The following TBL1X variants were observed in gnomAD, a reference collection of about 807,000 sequenced individuals.
TBL1X encodes the protein F-box-like/WD repeat-containing protein TBL1X.
TBL1X carries 10 observed loss-of-function variants against 50.7 expected under a neutral mutation model. That is an observed-to-expected ratio of 0.20 (90% CI 0.12 to 0.33). TBL1X has a LOEUF of 0.33. Ranked by LOEUF, TBL1X falls within the 10% of genes least tolerant of loss-of-function variation. The pLI is 1.00. For synonymous variants in TBL1X, 190 were observed against 214.7 expected, an observed-to-expected ratio of 0.88 and a Z score of 1.01; for missense variants, 340 against 504.4, an observed-to-expected ratio of 0.67 and a Z score of 3.12.
intron 2 of TBL1X, among the ~76,000 whole-genome samples, chrX:9,560,711 CGCAGTGTTCAT>C (rs2082320943): frequency 8.9e-6 from 1 of 111,762 alleles, no homozygotes; most frequent in South Asian, 3.7e-4. Flanking sequence ...AGACAGATTC[CGCAGTGTTCAT>C]GCAGTGTTCA....
intron 3 of TBL1X, among the ~76,000 whole-genome samples, chrX:9,646,509 CAG>C (rs1195634475): frequency 8.9e-6 from 1 of 112,240 alleles, no homozygotes; most frequent in Non-Finnish European, 1.9e-5. Context: ...TCCAAATGGG[CAG>C]AGTTTGCTCG....
At chrX:9,582,408 A>G (rs563082300) in intron 2 of TBL1X, among the ~76,000 whole-genome samples, 67 of 112,536 alleles carry the variant, frequency 6.0e-4, no homozygotes, top group African/African-American at 2.0e-3. Flanking sequence ...TTACAGTTCT[A>G]TTCACGTGCT....
chrX:9,574,459 GAAAAAAAAAAA>G (rs376384853), intron 2 of TBL1X, among the ~76,000 whole-genome samples: 7 of 30,133 alleles, frequency 2.3e-4, no homozygotes, highest in Admixed American at 9.6e-4. Flanking sequence ...TGTCTCAAAT[GAAAAAAAAAAA>G]AAAAAAAAAA....
intron 2 of TBL1X, among the ~76,000 whole-genome samples, chrX:9,551,111 C>A: frequency 9.0e-6 from 1 of 111,539 alleles, no homozygotes; most frequent in Middle Eastern, 4.6e-3. Flanking sequence ...CGTGTACATA[C>A]ACATGTAGAT....
At chrX:9,673,456 T>C (rs2082972096) in intron 5 of TBL1X, among the ~76,000 whole-genome samples, 1 of 111,564 alleles carries the variant, frequency 9.0e-6, no homozygotes, top group African/African-American at 3.3e-5. Flanking sequence ...TAGAAACAGC[T>C]CCATCCTCAT....
At chrX:9,470,359 G>A (rs985558947) in intron 1 of TBL1X, among the ~76,000 whole-genome samples, 5 of 112,720 alleles carry the variant, frequency 4.4e-5, no homozygotes, top group African/African-American at 1.6e-4. Flanking sequence ...AAGTTCAAGC[G>A]ATTCTCCTCC....
At chrX:9,709,558 C>T (rs1382024138) in intron 14 of TBL1X, 75 bp from the exon 15 acceptor site, 11 of 1,179,348 alleles carry the variant, frequency 9.3e-6, no homozygotes, top group Non-Finnish European at 1.1e-5. Flanking sequence ...TGTGCACCCC[C>T]GGGAGGAATG....
chrX:9,662,478 G>A (rs1280589819), intron 5 of TBL1X, among the ~76,000 whole-genome samples: 1 of 112,303 alleles, frequency 8.9e-6, no homozygotes, highest in Non-Finnish European at 1.9e-5. Context: ...GGCAAATACT[G>A]TAGGATTCCA....
intron 6 of TBL1X, among the ~76,000 whole-genome samples, chrX:9,686,221 T>C (rs1010748704): frequency 1.5e-4 from 17 of 111,623 alleles, no homozygotes; most frequent in African/African-American, 5.5e-4. Flanking sequence ...AGAGGACATG[T>C]CTCCAAGGTC....
At chrX:9,622,594 T>C (rs1033010775) in intron 2 of TBL1X, among the ~76,000 whole-genome samples, 2 of 111,913 alleles carry the variant, frequency 1.8e-5, no homozygotes, top group Non-Finnish European at 1.9e-5. Flanking sequence ...TAGCTAGGAT[T>C]ACAGGTGCGC....
intron 2 of TBL1X, among the ~76,000 whole-genome samples, chrX:9,616,204 C>G (rs1245829524): frequency 9.0e-6 from 1 of 111,438 alleles, no homozygotes. Context: ...TACCCCCCAC[C>G]CACCAGAAAA....
rs1555958572 is a variant in TBL1X at position 9,491,339 on chromosome X, T to TTTG, written c.-200-10439_-200-10438insGTT. 7.3e-3 allele frequency among the ~76,000 whole-genome samples: 141 copies of TTTG among 19,210 alleles called. 2 individuals are homozygous for TTTG. The highest frequency in any genetic ancestry group is 0.032 in the African/African-American group (134 of 4,158). 16.7% of individuals were successfully genotyped at this position (19,210 alleles called of 115,157 possible). Reference sequence around the variant, plus strand: ...ATATATATATATATATATATATATATTTTTTTTTTTTTTTTCTTTGAGACA... The same window carrying TTTG: ...ATATATATATATATATATATATATATTTGTTTTTTTTTTTTTTTCTTTGAGACA... On this transcript the variant is annotated intron_variant, in intron 1 of 17. Transcript: ENST00000645353.
chrX:9,532,377 A>G (rs938475121), intron 2 of TBL1X, among the ~76,000 whole-genome samples: 2 of 111,997 alleles, frequency 1.8e-5, no homozygotes, highest in African/African-American at 3.3e-5. Flanking sequence ...CCCTAGAGGA[A>G]TTCTATCCAA....
At chrX:9,702,418 G>T (rs2083179278) in intron 12 of TBL1X, among the ~76,000 whole-genome samples, 1 of 103,948 alleles carries the variant, frequency 9.6e-6, no homozygotes, top group South Asian at 4.6e-4. Context: ...CTCCAGCTTG[G>T]GTGACAGAGT....
rs765528113 is a variant in TBL1X, at chrX:9,501,221, G to A, written c.-200-559G>A. 2.7e-5 allele frequency among the ~76,000 whole-genome samples: 3 copies of A among 112,167 alleles called. No individual in the cohort carries two copies. In the South Asian group the frequency reaches 1.1e-3, roughly 42 times the overall value. ...TTCAGTCCCTACCCATCCTAGTGGT[G>A]TGACCGAGAGCAAGTTGGGCATAGT... On this transcript the variant is annotated intron_variant, in intron 1 of 17. Transcript: ENST00000645353.
At chrX:9,621,982 A>T (rs779252643) in intron 2 of TBL1X, among the ~76,000 whole-genome samples, 1 of 112,186 alleles carries the variant, frequency 8.9e-6, no homozygotes, top group African/African-American at 3.2e-5. Flanking sequence ...GTACATTTTT[A>T]ATTTTAGTTA....
chrX:9,695,133 A>T (rs961175990), intron 11 of TBL1X, among the ~76,000 whole-genome samples: 4 of 112,053 alleles, frequency 3.6e-5, no homozygotes, highest in Non-Finnish European at 5.6e-5. Context: ...ATAAAGTTGT[A>T]TTGGGACACA....
At chrX:9,560,829 C>T (rs577343662) in intron 2 of TBL1X, among the ~76,000 whole-genome samples, 2 of 111,778 alleles carry the variant, frequency 1.8e-5, no homozygotes, top group East Asian at 5.6e-4. Flanking sequence ...CATCCCACCT[C>T]CTGTTGTCGA....
chrX:9,656,068 A>G (rs1291128117), intron 5 of TBL1X, among the ~76,000 whole-genome samples: 3 of 112,721 alleles, frequency 2.7e-5, no homozygotes, highest in Non-Finnish European at 5.6e-5. Flanking sequence ...AACATAGTAT[A>G]GGAAGTTGGT....
Sources: gnomAD v4.1 joint callset for allele counts (sites outside exome capture counted in the v4.1 genomes callset) on GRCh38, gnomAD v4.1.1 for gene constraint, MANE v1.5 for transcripts, NCBI Gene and HGNC (gene_info 2026-07-23, HGNC 2026-07-21) for gene names.